Variants in MAML3 observed in about 807,000 individuals in gnomAD.
The protein encoded by MAML3 is mastermind like transcriptional coactivator 3.
Under a neutral mutation model 101.9 loss-of-function variants are expected in MAML3, and 27 were observed. That is an observed-to-expected ratio of 0.27 (90% CI 0.20 to 0.37). MAML3 has a LOEUF of 0.37. Ranked by LOEUF, MAML3 falls within the 10% of genes least tolerant of loss-of-function variation. The pLI, the probability that MAML3 is intolerant of heterozygous loss-of-function variation, is 1.00. For synonymous variants in MAML3, 501 were observed against 555.9 expected (o/e 0.90, Z 1.39); for missense variants, 1,316 against 1,444.9 (o/e 0.91, Z 1.45).
At chr4:139,971,062 G>A (rs1213196670) in intron 1 of MAML3, among the ~76,000 whole-genome samples, 5 of 152,184 alleles carry the variant, frequency 3.3e-5, no homozygotes, top group Admixed American at 6.5e-5. Context: ...ATTAAGGACC[G>A]AGGGGTTAGT....
At chr4:139,846,859 A>G (rs1731460657) in intron 2 of MAML3, among the ~76,000 whole-genome samples, 1 of 152,224 alleles carries the variant, frequency 6.6e-6, no homozygotes. Flanking sequence ...TTTTGGAGGA[A>G]AATTGTGTGT....
chr4:139,998,190 C>T (rs1734853082), intron 1 of MAML3, among the ~76,000 whole-genome samples: 1 of 152,078 alleles, frequency 6.6e-6, no homozygotes, highest in Non-Finnish European at 1.5e-5. Flanking sequence ...TTTTTCAATC[C>T]TTTACTCCTT....
chr4:140,128,226 A>C (rs983285199), intron 1 of MAML3: 2 of 152,260 alleles, frequency 1.3e-5, no homozygotes, highest in African/African-American at 4.8e-5. Flanking sequence ...TCTCTTCTTC[A>C]TAAAAACAGA....
intron 1 of MAML3, among the ~76,000 whole-genome samples, chr4:139,978,043 G>A (rs1734378682): frequency 6.6e-6 from 1 of 152,156 alleles, no homozygotes; most frequent in African/African-American, 2.4e-5. Context: ...TGATGGGAGG[G>A]GAAGTGGTGC....
At chr4:139,940,213 T>C (rs1416926514) in intron 1 of MAML3, among the ~76,000 whole-genome samples, 5 of 152,178 alleles carry the variant, frequency 3.3e-5, no homozygotes, top group Non-Finnish European at 7.3e-5. Context: ...TCCTCTCCAC[T>C]ACCCTCACCA....
chr4:140,138,665 C>G (rs28720121), intron 1 of MAML3, among the ~76,000 whole-genome samples: 4,772 of 152,136 alleles, frequency 0.031, 215 homozygotes, highest in African/African-American at 0.11. Flanking sequence ...CACACTCTCC[C>G]CAGTGAGAGA....
rs758337646 is a variant in MAML3 at position 139,720,022 on chromosome 4, C to T, written c.2718G>A (p.Gly906=). 1.1e-5 allele frequency: 18 copies of T among 1,613,968 alleles called. No individual in the cohort carries two copies. In the African/African-American group the frequency reaches 2.1e-4, roughly 19 times the overall value. ...QAQGPRQPAS[G]QGVGMVSGFG... The stretch of plus-strand genomic sequence containing the variant: ...AGCCACTCACCATTCCAACCCCCTG[C>T]CCAGAGGCAGGTTGCCTCGGTCCCT... The change falls in exon 5 of 5, where the codon GGG becomes GGA. Residue 906 remains glycine, a synonymous_variant. Transcript: ENST00000509479.
chr4:139,925,000 T>G (rs1027358152), intron 1 of MAML3, among the ~76,000 whole-genome samples: 19 of 152,208 alleles, frequency 1.2e-4, no homozygotes, highest in Non-Finnish European at 1.9e-4. Context: ...ACTTTTTTTT[T>G]TCAGTGTTTA....
chr4:139,978,079 A>C (rs1734379043), intron 1 of MAML3, among the ~76,000 whole-genome samples: 1 of 152,112 alleles, frequency 6.6e-6, no homozygotes. Flanking sequence ...TCTTGCTTTC[A>C]GGCCCCAGCT....
At chr4:139,865,052 T>C (rs1208599229) in intron 2 of MAML3, among the ~76,000 whole-genome samples, 1 of 151,246 alleles carries the variant, frequency 6.6e-6, no homozygotes, top group Non-Finnish European at 1.5e-5. Flanking sequence ...ATTATAATGT[T>C]GAAATATCAT....
chr4:140,025,659 A>C (rs1230232820), intron 1 of MAML3, among the ~76,000 whole-genome samples: 1 of 152,210 alleles, frequency 6.6e-6, no homozygotes, highest in Admixed American at 6.5e-5. Flanking sequence ...CAGGAAGACA[A>C]GAGAAACACA....
chr4:139,901,639 G>A (rs959068801), intron 1 of MAML3, among the ~76,000 whole-genome samples: 2 of 152,206 alleles, frequency 1.3e-5, no homozygotes, highest in Non-Finnish European at 2.9e-5. Context: ...TAAGGGAGGA[G>A]GATGGCAAAT....
chr4:139,853,439 T>G (rs1560814569), intron 2 of MAML3, among the ~76,000 whole-genome samples: 1 of 151,664 alleles, frequency 6.6e-6, no homozygotes, highest in South Asian at 2.1e-4. Flanking sequence ...CTGAGTTTGG[T>G]TGGGGGAGGG....
intron 1 of MAML3, among the ~76,000 whole-genome samples, chr4:139,985,095 C>T (rs950975519): frequency 6.6e-6 from 1 of 152,220 alleles, no homozygotes; most frequent in East Asian, 1.9e-4. Flanking sequence ...TTCCTATACA[C>T]AAAAGTTAGC....
At chr4:140,060,380 A>AAAAAAAAAAAAAAAAC (rs1727425700) in intron 1 of MAML3, among the ~76,000 whole-genome samples, 1 of 147,902 alleles carries the variant, frequency 6.8e-6, no homozygotes, top group Non-Finnish European at 1.5e-5. Context: ...AAAAAAAAAA[A>AAAAAAAAAAAAAAAAC]AAAAAGTCAC....
chr4:139,947,907 G>A (rs886709972), intron 1 of MAML3, among the ~76,000 whole-genome samples: 1 of 152,046 alleles, frequency 6.6e-6, no homozygotes, highest in Non-Finnish European at 1.5e-5. Context: ...TTTGAGACCA[G>A]CCTGACCAAC....
chr4:139,907,089 T>C (rs1732835007), intron 1 of MAML3, among the ~76,000 whole-genome samples: 1 of 152,222 alleles, frequency 6.6e-6, no homozygotes, highest in African/African-American at 2.4e-5. Flanking sequence ...CTACATGAGG[T>C]TTGCATTCAC....
At chr4:139,908,810 G>A (rs767990778) in intron 1 of MAML3, among the ~76,000 whole-genome samples, 2 of 152,148 alleles carry the variant, frequency 1.3e-5, no homozygotes, top group Non-Finnish European at 2.9e-5. Context: ...AGGTTTGTTG[G>A]AACTCTGAGC....
intron 1 of MAML3, among the ~76,000 whole-genome samples, chr4:139,939,290 A>G (rs1038868223): frequency 6.6e-6 from 1 of 152,222 alleles, no homozygotes; most frequent in African/African-American, 2.4e-5. Flanking sequence ...CAGAGGCATC[A>G]GAATTATCAT....
Sources: allele counts gnomAD v4.1 joint callset (sites outside exome capture counted in the v4.1 genomes callset), GRCh38; gene constraint gnomAD v4.1.1; transcripts MANE v1.5; gene names NCBI Gene and HGNC (gene_info 2026-07-23, HGNC 2026-07-21).